CPQ: variants seen among roughly 807,000 people sequenced by gnomAD.
CPQ encodes the protein carboxypeptidase Q, also known as Ser-Met dipeptidase.
CPQ carries 37 observed loss-of-function variants against 45.7 expected under a neutral mutation model. The observed-to-expected ratio is 0.81, with a 90% confidence interval of 0.62 to 1.07. CPQ has a LOEUF of 1.07. CPQ is among the 50% of genes least tolerant of loss of function. The pLI is 0.00. For missense variants in CPQ, 537 were observed against 572.9 expected, an observed-to-expected ratio of 0.94 and a Z score of 0.64; for synonymous variants, 186 against 205.8, an observed-to-expected ratio of 0.90 and a Z score of 0.82.
At chr8:97,142,380 A>G (rs182159063) in intron 7 of CPQ, among the ~76,000 whole-genome samples, 23 of 152,318 alleles carry the variant, frequency 1.5e-4, no homozygotes, top group Admixed American at 1.2e-3. Context: ...AAAGCTTTGA[A>G]GCAGGGCAGA....
chr8:97,081,342 G>A (rs964651587), intron 7 of CPQ, among the ~76,000 whole-genome samples: 1 of 152,110 alleles, frequency 6.6e-6, no homozygotes, highest in African/African-American at 2.4e-5. Context: ...GTGAGCTTCA[G>A]TTGCCCCCCC....
chr8:96,764,431 G>A (rs1001555088), intron 1 of CPQ, among the ~76,000 whole-genome samples: 6 of 152,048 alleles, frequency 3.9e-5, no homozygotes, highest in Non-Finnish European at 5.9e-5. Context: ...CTTATAATAC[G>A]TTCATTATCT....
At chr8:96,674,318 A>G (rs187854950) in intron 1 of CPQ, among the ~76,000 whole-genome samples, 2 of 152,150 alleles carry the variant, frequency 1.3e-5, no homozygotes, top group Admixed American at 1.3e-4. Context: ...TTGTGGGTTT[A>G]TTGAGACTGA....
At chr8:97,027,825 C>T (rs185062663) in intron 5 of CPQ, among the ~76,000 whole-genome samples, 1 of 152,220 alleles carries the variant, frequency 6.6e-6, no homozygotes, top group Non-Finnish European at 1.5e-5. Context: ...AGATCCCTGT[C>T]TTCCAGAAGT....
At chr8:96,956,416 G>A (rs76405924) in intron 4 of CPQ, among the ~76,000 whole-genome samples, 2,833 of 152,124 alleles carry the variant, frequency 0.019, 48 homozygotes, top group Non-Finnish European at 0.023. Flanking sequence ...AACATTATAA[G>A]GTTAATCAGC....
At chr8:96,804,731 A>G (rs1448858021) in intron 2 of CPQ, among the ~76,000 whole-genome samples, 1 of 152,026 alleles carries the variant, frequency 6.6e-6, no homozygotes, top group Non-Finnish European at 1.5e-5. Flanking sequence ...TTTTTTGTAA[A>G]CTATGTCAGT....
At chr8:96,720,236 C>G (rs1013467663) in intron 1 of CPQ, among the ~76,000 whole-genome samples, 7 of 152,288 alleles carry the variant, frequency 4.6e-5, no homozygotes, top group African/African-American at 1.7e-4. Flanking sequence ...AAATCCAACA[C>G]TTGCGGCATC....
chr8:97,005,954 A>C (rs1231030411), intron 5 of CPQ, among the ~76,000 whole-genome samples: 1 of 152,224 alleles, frequency 6.6e-6, no homozygotes, highest in African/African-American at 2.4e-5. Flanking sequence ...TATATGCTCC[A>C]TAAAATTCAC....
At chr8:96,756,579 T>C (rs945049299) in intron 1 of CPQ, among the ~76,000 whole-genome samples, 1 of 152,128 alleles carries the variant, frequency 6.6e-6, no homozygotes, top group African/African-American at 2.4e-5. Flanking sequence ...AAGGAGAATT[T>C]TCTAAAGGTC....
chr8:97,028,213 A>C (rs998290496), intron 5 of CPQ, among the ~76,000 whole-genome samples: 1 of 152,356 alleles, frequency 6.6e-6, no homozygotes, highest in African/African-American at 2.4e-5. Flanking sequence ...AATTTCATGA[A>C]AAACTGTAGC....
chr8:96,748,741 A>G (rs996560518), intron 1 of CPQ, among the ~76,000 whole-genome samples: 12 of 152,220 alleles, frequency 7.9e-5, no homozygotes, highest in African/African-American at 2.9e-4. Flanking sequence ...CAATTTAAAA[A>G]CAAAATTTCA....
At chr8:97,044,552 G>A (rs116842957) in intron 6 of CPQ, among the ~76,000 whole-genome samples, 5,370 of 152,316 alleles carry the variant, frequency 0.035, 125 homozygotes, top group Non-Finnish European at 0.053. Context: ...TGGAGGACGA[G>A]AGGTGCTTTG....
intron 7 of CPQ, among the ~76,000 whole-genome samples, chr8:97,136,192 T>C (rs1812054570): frequency 6.6e-6 from 1 of 151,702 alleles, no homozygotes; most frequent in African/African-American, 2.4e-5. Context: ...AAAAAAAAGA[T>C]TCATAGAGAA....
intron 2 of CPQ, among the ~76,000 whole-genome samples, chr8:96,792,948 G>A (rs1810869178): frequency 6.6e-6 from 1 of 152,094 alleles, no homozygotes; most frequent in Non-Finnish European, 1.5e-5. Context: ...AGAATGAGTG[G>A]CAAGCGAAGG....
chr8:97,005,768 A>G (rs1369719431), intron 5 of CPQ, among the ~76,000 whole-genome samples: 1 of 152,172 alleles, frequency 6.6e-6, no homozygotes, highest in Non-Finnish European at 1.5e-5. Context: ...AAAGGTTATC[A>G]GTTTAATGCA....
intron 3 of CPQ, among the ~76,000 whole-genome samples, chr8:96,873,261 T>C (rs187267675): frequency 7.8e-4 from 119 of 151,958 alleles, no homozygotes; most frequent in Non-Finnish European, 1.4e-3. Flanking sequence ...ATCATAAAAA[T>C]TAGGAAGGAA....
intron 5 of CPQ, among the ~76,000 whole-genome samples, chr8:97,028,690 A>C (rs1448266479): frequency 1.3e-5 from 2 of 152,204 alleles, no homozygotes; most frequent in Non-Finnish European, 2.9e-5. Flanking sequence ...ATGGTTCTGG[A>C]GCCACTTCAT....
intron 5 of CPQ, among the ~76,000 whole-genome samples, chr8:97,017,615 A>G (rs1384020957): frequency 6.6e-6 from 1 of 152,084 alleles, no homozygotes; most frequent in African/African-American, 2.4e-5. Context: ...TGGGAGCTGG[A>G]TGAGGCCTGT....
intron 6 of CPQ, among the ~76,000 whole-genome samples, chr8:97,047,758 T>A (rs1219717242): frequency 2.0e-5 from 3 of 152,202 alleles, no homozygotes; most frequent in Non-Finnish European, 4.4e-5. Flanking sequence ...AGTTCAGAGA[T>A]CTTTTAATGA....
Sources: allele counts gnomAD v4.1 joint callset (sites outside exome capture counted in the v4.1 genomes callset), GRCh38; gene constraint gnomAD v4.1.1; transcripts MANE v1.5; gene names NCBI Gene and HGNC (gene_info 2026-07-23, HGNC 2026-07-21).